The following MLLT10 variants were observed in gnomAD, a reference collection of about 807,000 sequenced individuals.
MLLT10 encodes the protein MLLT10 histone lysine methyltransferase DOT1L cofactor.
Under a neutral mutation model 129.1 loss-of-function variants are expected in MLLT10, and 30 were observed. The observed-to-expected ratio is 0.23, with a 90% CI of 0.17 to 0.32. The LOEUF is 0.32. Among genes scored for constraint, MLLT10 ranks in the 10% least tolerant of loss-of-function variants. The pLI is 1.00. For missense variants in MLLT10, 1,119 were observed against 1,268.3 expected (o/e 0.88, Z 1.79); for synonymous variants, 490 against 446.4 (o/e 1.10, Z -1.23).
chr10:21,601,867 TTTAATATTTA>T (rs1035020982), intron 5 of MLLT10, among the ~76,000 whole-genome samples: 21 of 152,308 alleles, frequency 1.4e-4, no homozygotes, highest in African/African-American at 5.1e-4. Context: ...TGTTTTTGTT[TTTAATATTTA>T]TTTGGCTTCT....
chr10:21,640,071 A>G (rs1227161010), intron 8 of MLLT10, among the ~76,000 whole-genome samples: 2 of 151,384 alleles, frequency 1.3e-5, no homozygotes, highest in Admixed American at 6.6e-5. Flanking sequence ...TTAACAAAAG[A>G]TACGCCTGTT....
At chr10:21,739,136 CTG>C (rs2058626472) in intron 21 of MLLT10, among the ~76,000 whole-genome samples, 1 of 152,206 alleles carries the variant, frequency 6.6e-6, no homozygotes, top group Non-Finnish European at 1.5e-5. Flanking sequence ...TGAAATCAGA[CTG>C]TGCCACTTCT....
At chr10:21,688,951 A>G (rs1389703815) in intron 13 of MLLT10, among the ~76,000 whole-genome samples, 6 of 152,150 alleles carry the variant, frequency 3.9e-5, no homozygotes, top group African/African-American at 1.4e-4. Flanking sequence ...AATACTCTGG[A>G]TCAGTTCAGA....
At chr10:21,586,173 T>TG (rs1235802737) in intron 3 of MLLT10, 121 bp from the exon 4 acceptor site, 8 of 749,598 alleles carry the variant, frequency 1.1e-5, no homozygotes, top group Non-Finnish European at 1.4e-5. Flanking sequence ...GAAATATTCT[T>TG]GGGGGGCAAC....
chr10:21,734,111 C>A lies in MLLT10; in HGVS notation c.2840C>A (p.Pro947Gln). 6.2e-7 allele frequency: 1 copy of A among 1,606,910 alleles called. No individual in the cohort carries two copies. Among genetic ancestry groups the A allele is most frequent in the South Asian group, 1.1e-5 (1 of 90,386 alleles). ...CCACCTAATGCAACACATCCAATGC[C>A]AGCTACACTGACTAACAGGTAAGAA... ...TVPPNATHPM[P>Q]ATLTNSASGL... is the part of the protein sequence containing the mutation. Residue 947 changes from proline (P) to glutamine (Q), a missense_variant, in exon 20 of 23, where the codon CCA becomes CAA. This residue lies in a region of MLLT10 where 1,004 missense variants were observed against 1,008.7 expected (regional missense o/e 1.00). Transcript: ENST00000307729.
intron 8 of MLLT10, among the ~76,000 whole-genome samples, chr10:21,628,237 A>G (rs1447083424): frequency 3.9e-5 from 6 of 152,162 alleles, no homozygotes; most frequent in Non-Finnish European, 7.3e-5. Context: ...GTAATCTGTA[A>G]ATCTGTGTTA....
chr10:21,556,865 G>A, intron 3 of MLLT10: 1 of 1,551,260 alleles, frequency 6.4e-7, no homozygotes, highest in Non-Finnish European at 8.7e-7. Context: ...AGTTTCCAGG[G>A]ATATTCTTTT....
At chr10:21,603,946 C>G (rs1297537000) in intron 5 of MLLT10, among the ~76,000 whole-genome samples, 1 of 151,880 alleles carries the variant, frequency 6.6e-6, no homozygotes, top group Non-Finnish European at 1.5e-5. Context: ...GATTAGGGTC[C>G]TGCCCTACTC....
At chr10:21,562,057 C>T (rs1339134945) in intron 3 of MLLT10, among the ~76,000 whole-genome samples, 4 of 152,106 alleles carry the variant, frequency 2.6e-5, no homozygotes, top group African/African-American at 9.7e-5. Context: ...CTGCCCGCCT[C>T]GGCCTTCCAA....
At chr10:21,653,125 A>G (rs902240500) in intron 9 of MLLT10, among the ~76,000 whole-genome samples, 1 of 152,230 alleles carries the variant, frequency 6.6e-6, no homozygotes, top group African/African-American at 2.4e-5. Flanking sequence ...TTAAAACAAC[A>G]TAAACTTACT....
At chr10:21,678,677 A>G (rs955018428) in intron 11 of MLLT10, among the ~76,000 whole-genome samples, 1 of 152,244 alleles carries the variant, frequency 6.6e-6, no homozygotes, top group Non-Finnish European at 1.5e-5. Flanking sequence ...CTGATAGGCT[A>G]ATGATCTTTT....
intron 3 of MLLT10, among the ~76,000 whole-genome samples, chr10:21,556,337 A>C (rs2037957397): frequency 6.6e-6 from 1 of 152,336 alleles, no homozygotes; most frequent in East Asian, 1.9e-4. Flanking sequence ...GATAGACTTC[A>C]TCATAAGTGA....
intron 3 of MLLT10, among the ~76,000 whole-genome samples, chr10:21,552,752 C>T (rs994466770): frequency 3.3e-5 from 5 of 151,806 alleles, no homozygotes; most frequent in Non-Finnish European, 7.4e-5. Flanking sequence ...TATAGATTCA[C>T]TTTTCCTTTC....
chr10:21,642,656 CA>C (rs374427646), intron 8 of MLLT10, among the ~76,000 whole-genome samples: 172 of 99,666 alleles, frequency 1.7e-3, no homozygotes, highest in Middle Eastern at 4.8e-3. Flanking sequence ...GACTCTGTCT[CA>C]AAAAAAAAAA....
At chr10:21,545,413 C>T (rs1174929787) in intron 3 of MLLT10, among the ~76,000 whole-genome samples, 5 of 151,806 alleles carry the variant, frequency 3.3e-5, no homozygotes, top group South Asian at 2.1e-4. Context: ...CTGCCAGGAA[C>T]GCTGAAGGAC....
chr10:21,597,607 A>G (rs2043140809), intron 5 of MLLT10, among the ~76,000 whole-genome samples: 2 of 152,184 alleles, frequency 1.3e-5, no homozygotes, highest in African/African-American at 4.8e-5. Flanking sequence ...CCTGGCCTCA[A>G]GTGATCTGCC....
intron 2 of MLLT10, 46 bp from the exon 3 acceptor site, chr10:21,538,787 T>C (rs775885951): frequency 1.4e-6 from 2 of 1,424,744 alleles, no homozygotes; most frequent in Admixed American, 1.7e-5. Flanking sequence ...GATTTTTCCA[T>C]AGTTCTTCGA....
At chr10:21,701,119 A>T (rs1225311408) in intron 13 of MLLT10, among the ~76,000 whole-genome samples, 2 of 152,156 alleles carry the variant, frequency 1.3e-5, no homozygotes, top group Admixed American at 6.5e-5. Flanking sequence ...GTTAGCATTC[A>T]TACTATTCTC....
intron 3 of MLLT10, among the ~76,000 whole-genome samples, chr10:21,564,289 C>G (rs563145607): frequency 6.6e-6 from 1 of 152,202 alleles, no homozygotes; most frequent in African/African-American, 2.4e-5. Flanking sequence ...TGGGGTCTTG[C>G]TATGTTGCTC....
Sources: gnomAD v4.1 joint callset for allele counts (sites outside exome capture counted in the v4.1 genomes callset) on GRCh38, gnomAD v4.1.1 for gene constraint, gnomAD v4.1.1 regional missense constraint, MANE v1.5 for transcripts, NCBI Gene and HGNC (gene_info 2026-07-23, HGNC 2026-07-21) for gene names.